Variants in HIPK3 observed in about 807,000 individuals in gnomAD.
HIPK3 encodes the protein homeodomain-interacting protein kinase 3.
In HIPK3, 47 loss-of-function variants were observed where a neutral mutation model predicts 124.2. That is an observed-to-expected ratio of 0.38 (90% CI 0.30 to 0.48). The LOEUF (loss-of-function observed/expected upper bound fraction) is 0.48, where lower values mean the gene tolerates loss of function less well. Ranked by LOEUF, HIPK3 falls within the 20% of genes least tolerant of loss-of-function variation. The pLI is 0.98. For synonymous variants in HIPK3, 482 were observed against 515.2 expected (o/e 0.94, Z 0.87); for missense variants, 1,286 against 1,454.3 (o/e 0.88, Z 1.88).
At chr11:33,348,403 G>A (rs551460298) in intron 12 of HIPK3, 119 bp from the exon 13 acceptor site, 1 of 1,029,038 alleles carries the variant, frequency 9.7e-7, no homozygotes, top group Non-Finnish European at 1.4e-6. Flanking sequence ...CTGTTAGTGT[G>A]TTATATTCAT....
At chr11:33,281,263 A>G (rs115696638) in intron 1 of HIPK3, among the ~76,000 whole-genome samples, 165 of 151,920 alleles carry the variant, frequency 1.1e-3, no homozygotes, top group African/African-American at 3.7e-3. Flanking sequence ...AGTGTGAGCC[A>G]CTATGCTTGG....
intron 2 of HIPK3, among the ~76,000 whole-genome samples, chr11:33,308,088 T>C (rs1367489018): frequency 6.6e-6 from 1 of 152,170 alleles, no homozygotes; most frequent in Non-Finnish European, 1.5e-5. Context: ...CCATCTGGAA[T>C]TGATTTTTGT....
chr11:33,273,941 C>T (rs1438779652), intron 1 of HIPK3, among the ~76,000 whole-genome samples: 2 of 152,154 alleles, frequency 1.3e-5, no homozygotes, highest in Non-Finnish European at 2.9e-5. Flanking sequence ...TGTTCTCATT[C>T]TGTTGGTTTT....
At chr11:33,342,544 T>G (rs1288154712) in intron 8 of HIPK3, among the ~76,000 whole-genome samples, 2 of 15,386 alleles carry the variant, frequency 1.3e-4, no homozygotes, top group Non-Finnish European at 3.8e-4. Context: ...TATACATTCT[T>G]TTTTTTTTTT....
intron 2 of HIPK3, among the ~76,000 whole-genome samples, chr11:33,303,202 C>T (rs866198036): frequency 2.6e-5 from 4 of 152,162 alleles, no homozygotes; most frequent in African/African-American, 4.8e-5. Flanking sequence ...AGTATTTCCA[C>T]GTAACCTATG....
chr11:33,257,355 A>G, upstream of HIPK3: 1 of 984,552 alleles, frequency 1.0e-6, no homozygotes, highest in Non-Finnish European at 1.2e-6. Flanking sequence ...ACGAGCGCGG[A>G]GGAGGGGCCC....
rs913441442 is a variant in HIPK3 at position 33,318,450 on chromosome 11, A to G, written c.1098-10060A>G. ...GTTAAAAGCATGGATTTTGAGTTCTAACTATACCTCTTACTAGCTGTGTGA... is the reference window on the plus strand; with the variant it reads ...GTTAAAAGCATGGATTTTGAGTTCTGACTATACCTCTTACTAGCTGTGTGA... On this transcript the variant is annotated intron_variant, in intron 2 of 16. Transcript: ENST00000303296. Among the ~76,000 whole-genome samples, 16 of 152,314 alleles carry G rather than the reference A, an allele frequency of 1.1e-4. No individual in the cohort carries two copies. In the East Asian group the frequency reaches 3.1e-3, roughly 29 times the overall value.
chr11:33,311,964 G>A (rs1010772302), intron 2 of HIPK3, among the ~76,000 whole-genome samples: 4 of 76,770 alleles, frequency 5.2e-5, no homozygotes, highest in Admixed American at 4.0e-4. Context: ...AACATAGCAA[G>A]ACCCTGTTTC....
At chr11:33,281,982 A>G (rs961678497) in intron 1 of HIPK3, among the ~76,000 whole-genome samples, 3 of 152,242 alleles carry the variant, frequency 2.0e-5, no homozygotes, top group African/African-American at 2.4e-5. Context: ...AAATATTGCC[A>G]GATTGCCTTC....
intron 3 of HIPK3, among the ~76,000 whole-genome samples, chr11:33,331,916 C>T (rs1206460822): frequency 1.3e-5 from 2 of 152,148 alleles, no homozygotes; most frequent in African/African-American, 4.8e-5. Flanking sequence ...TCTTTAGAGA[C>T]AGAGTCTTTC....
At chr11:33,269,262 G>C (rs1234345772) in intron 1 of HIPK3, among the ~76,000 whole-genome samples, 1 of 152,006 alleles carries the variant, frequency 6.6e-6, no homozygotes, top group Non-Finnish European at 1.5e-5. Context: ...CTTGATAAAG[G>C]TCAGTAGGTA....
chr11:33,324,603 G>A (rs1260233023), intron 2 of HIPK3, among the ~76,000 whole-genome samples: 3 of 152,330 alleles, frequency 2.0e-5, no homozygotes, highest in African/African-American at 7.2e-5. Context: ...TGCACCTTCA[G>A]ATGTGCTGCA....
At chr11:33,343,247 TTGTGTGTGTGTGTGTGTG>T (rs3884092) in intron 8 of HIPK3, among the ~76,000 whole-genome samples, 5,408 of 141,488 alleles carry the variant, frequency 0.038, 117 homozygotes, top group South Asian at 0.068. Flanking sequence ...TTATTTGATT[TTGTGTGTGTGTGTGTGTG>T]TGTGTGTGTG....
At chr11:33,308,705 A>G (rs1339561049) in intron 2 of HIPK3, among the ~76,000 whole-genome samples, 1 of 149,348 alleles carries the variant, frequency 6.7e-6, no homozygotes. Flanking sequence ...AGTTTTGGAA[A>G]ATTCTCAGGC....
intron 2 of HIPK3, among the ~76,000 whole-genome samples, chr11:33,310,400 G>T (rs1297653761): frequency 6.6e-6 from 1 of 152,054 alleles, no homozygotes; most frequent in African/African-American, 2.4e-5. Context: ...CCACATCCCA[G>T]GTTCAAGTGA....
chr11:33,330,395 C>T (rs1426714460), intron 3 of HIPK3, among the ~76,000 whole-genome samples: 3 of 152,146 alleles, frequency 2.0e-5, no homozygotes, highest in Non-Finnish European at 4.4e-5. Flanking sequence ...GTGGCGTGAT[C>T]TCAGCTCACT....
At chr11:33,326,843 A>G (rs1852825776) in intron 2 of HIPK3, among the ~76,000 whole-genome samples, 1 of 151,856 alleles carries the variant, frequency 6.6e-6, no homozygotes, top group African/African-American at 2.4e-5. Context: ...GCTAATTAAA[A>G]AAAATTTTTT....
upstream of HIPK3, chr11:33,257,331 G>A (rs1464378050): frequency 1.0e-6 from 1 of 984,070 alleles, no homozygotes; most frequent in African/African-American, 1.8e-5. Context: ...CTGCGGAGGC[G>A]GTGGCCGAGG....
chr11:33,314,221 C>T (rs1261843695), intron 2 of HIPK3, among the ~76,000 whole-genome samples: 1 of 152,170 alleles, frequency 6.6e-6, no homozygotes, highest in Non-Finnish European at 1.5e-5. Context: ...TGTATAAGCC[C>T]CACCTTTCAC....
Sources: gnomAD v4.1 joint callset for allele counts (sites outside exome capture counted in the v4.1 genomes callset) on GRCh38, gnomAD v4.1.1 for gene constraint, MANE v1.5 for transcripts, NCBI Gene and HGNC (gene_info 2026-07-23, HGNC 2026-07-21) for gene names.